AFAP1: variants seen among roughly 807,000 people sequenced by gnomAD.
AFAP1 encodes the protein actin filament associated protein 1, also known as actin filament-associated protein 1.
In AFAP1, 75 loss-of-function variants were observed where a neutral mutation model predicts 93.9. The observed-to-expected ratio is 0.80, with a 90% CI of 0.66 to 0.97. AFAP1 has a LOEUF of 0.97. AFAP1 is among the 50% of genes least tolerant of loss of function. AFAP1 has a pLI of 0.00. For synonymous variants in AFAP1, 517 were observed against 430.7 expected (o/e 1.20, Z -2.48); for missense variants, 1,201 against 1,050.8 (o/e 1.14, Z -1.98).
At chr4:7,845,698 C>A (rs1713601515) in intron 4 of AFAP1, among the ~76,000 whole-genome samples, 1 of 152,092 alleles carries the variant, frequency 6.6e-6, no homozygotes, top group Non-Finnish European at 1.5e-5. Flanking sequence ...CTCCACATCC[C>A]CCTCCAACAC....
At chr4:7,766,979 T>C (rs148790604) in intron 17 of AFAP1, among the ~76,000 whole-genome samples, 2,234 of 152,010 alleles carry the variant, frequency 0.015, 58 homozygotes, top group African/African-American at 0.051. Flanking sequence ...TCAGACCCCT[T>C]GGTCCCCAGA....
At chr4:7,903,657 T>C (rs2385909) in intron 1 of AFAP1, among the ~76,000 whole-genome samples, 68,163 of 151,852 alleles carry the variant, frequency 0.45, 17,808 homozygotes, top group Non-Finnish European at 0.61. Context: ...CCAGCCTGGG[T>C]GACACAGCAA....
At chr4:7,872,926 CTTTTT>C (rs1166681967) in intron 1 of AFAP1, among the ~76,000 whole-genome samples, 1 of 119,628 alleles carries the variant, frequency 8.4e-6, no homozygotes, top group African/African-American at 3.2e-5. Context: ...GTTTTTTTTC[CTTTTT>C]TTTTTTTTAA....
At chr4:7,904,031 A>G (rs898847259) in intron 1 of AFAP1, among the ~76,000 whole-genome samples, 4 of 152,238 alleles carry the variant, frequency 2.6e-5, no homozygotes, top group African/African-American at 9.6e-5. Context: ...CACACGTGCA[A>G]ACTGTGCTAA....
intron 1 of AFAP1, among the ~76,000 whole-genome samples, chr4:7,910,617 A>G (rs987390199): frequency 6.6e-6 from 1 of 152,198 alleles, no homozygotes; most frequent in Non-Finnish European, 1.5e-5. Flanking sequence ...TAACAGACCA[A>G]AAGAAGAACT....
In AFAP1 at chr4:7,800,486, T is replaced by G. The variant is rs1030571864; in HGVS notation, c.1222A>C (p.Thr408Pro). The G allele has an allele frequency of 5.6e-6, 9 of 1,614,042 alleles. No individual in the cohort carries two copies. The highest frequency in any genetic ancestry group is 1.3e-5 in the African/African-American group (1 of 74,918). ...IPGLDSKHPL[T>P]FRLLRNGQEV... The stretch of plus-strand genomic sequence containing the variant: ...TGGCCGTTGCGCAGCAGCCGGAACG[T>G]CAGAGGATGTTTAGAATCCAAACCC... Residue 408 changes from threonine to proline, a missense_variant, in exon 10 of 18, where the codon ACG (threonine) becomes CCG (proline). Physicochemically the swap from Thr to Pro is conservative, Grantham distance 38. Transcript: ENST00000420658.
chr4:7,861,055 T>C (rs1715623821), intron 3 of AFAP1, among the ~76,000 whole-genome samples: 1 of 152,246 alleles, frequency 6.6e-6, no homozygotes, highest in Non-Finnish European at 1.5e-5. Context: ...GAGCTGATCT[T>C]AGCTGAGAAA....
intron 7 of AFAP1, among the ~76,000 whole-genome samples, 176 bp from the exon 8 acceptor site, chr4:7,816,275 C>T (rs1276453255): frequency 6.6e-6 from 1 of 151,984 alleles, no homozygotes; most frequent in Non-Finnish European, 1.5e-5. Context: ...GTGGCCACAA[C>T]CGCTTTAAAA....
chr4:7,793,919 G>A (rs552365072), intron 10 of AFAP1, 93 bp from the exon 11 acceptor site: 3 of 1,319,534 alleles, frequency 2.3e-6, no homozygotes, highest in East Asian at 4.9e-5. Flanking sequence ...AATAGGAAAG[G>A]CGATGAAACA....
In AFAP1 at chr4:7,939,557, C is replaced by G. The variant is rs760780451; in HGVS notation, c.-3+99G>C. On this transcript the variant is annotated intron_variant, in intron 1 of 17. Coordinates refer to ENST00000420658, the MANE Select transcript of AFAP1 (RefSeq NM_001134647.2). The surrounding 1 kb of genome is among the most constrained non-coding windows in gnomAD (Gnocchi z 5.6). ...GAGGCCGAGACAAAGCCCAGGCGCA[C>G]GGACCCCGGACCCTGCGGAGCCCCG... 2.7e-6 allele frequency: 1 copy of G among 366,540 alleles called. No homozygotes were observed. Among genetic ancestry groups the G allele is most frequent in the African/African-American group, 2.3e-5 (1 of 44,334 alleles). 22.7% of individuals were successfully genotyped at this position (366,540 alleles called of 1,614,324 possible). A position where few individuals can be genotyped will look rare whatever the true frequency, so the allele number is the denominator to read the frequency against.
intron 14 of AFAP1, 28 bp from the exon 15 acceptor site, chr4:7,774,931 A>C (rs759199632): frequency 6.3e-7 from 1 of 1,598,352 alleles, no homozygotes; most frequent in South Asian, 1.1e-5. Flanking sequence ...GCAGCAATTA[A>C]AAATTAGGTT....
At chr4:7,909,299 T>A (rs1719598835) in intron 1 of AFAP1, among the ~76,000 whole-genome samples, 2 of 152,132 alleles carry the variant, frequency 1.3e-5, no homozygotes, top group Non-Finnish European at 2.9e-5. Flanking sequence ...TTGCCCCAAA[T>A]TACACAGCTA....
intron 1 of AFAP1, among the ~76,000 whole-genome samples, chr4:7,933,350 C>T (rs975250980): frequency 2.6e-5 from 4 of 152,132 alleles, no homozygotes; most frequent in East Asian, 1.9e-4. Context: ...CAAGTTGGGC[C>T]GATCACGAGG....
intron 9 of AFAP1, 30 bp from the exon 10 acceptor site, chr4:7,800,683 G>T: frequency 6.2e-7 from 1 of 1,612,568 alleles, no homozygotes; most frequent in Non-Finnish European, 8.5e-7. Context: ...CAGGTCAGCC[G>T]CCTCGGACAA....
chr4:7,856,898 C>T (rs959144759), intron 3 of AFAP1, among the ~76,000 whole-genome samples: 1 of 152,188 alleles, frequency 6.6e-6, no homozygotes, highest in Non-Finnish European at 1.5e-5. Context: ...TCAATCCATG[C>T]AGGAATCCTT....
chr4:7,919,803 C>T (rs1001368390), intron 1 of AFAP1, among the ~76,000 whole-genome samples: 6 of 152,056 alleles, frequency 3.9e-5, no homozygotes, highest in African/African-American at 1.2e-4. Flanking sequence ...CCCCTCGCCC[C>T]ACCCCCAACA....
chr4:7,770,142 T>G (rs1174453959), intron 16 of AFAP1, among the ~76,000 whole-genome samples: 1 of 152,038 alleles, frequency 6.6e-6, no homozygotes, highest in Non-Finnish European at 1.5e-5. Context: ...AGAGGGGAAG[T>G]CGCAAAGCAC....
chr4:7,767,589 C>T (rs757242), intron 17 of AFAP1, among the ~76,000 whole-genome samples: 17,063 of 152,158 alleles, frequency 0.11, 1,126 homozygotes, highest in African/African-American at 0.18. Context: ...CCTCCCTTCC[C>T]CAGACTCACC....
intron 15 of AFAP1, chr4:7,774,190 G>A (rs143557807): frequency 1.2e-4 from 18 of 152,900 alleles, no homozygotes; most frequent in African/African-American, 4.3e-4. Context: ...CTCAGTTTCT[G>A]TGACTTCAGT....
Sources: allele counts gnomAD v4.1 joint callset (sites outside exome capture counted in the v4.1 genomes callset), GRCh38; gene constraint gnomAD v4.1.1; non-coding constraint Gnocchi (gnomAD v3.1); transcripts MANE v1.5; gene names NCBI Gene and HGNC (gene_info 2026-07-23, HGNC 2026-07-21).